The following CAST variants were observed in gnomAD, a reference collection of about 807,000 sequenced individuals.
The protein encoded by CAST is calpastatin, also known as MIR583 host.
CAST carries 76 observed loss-of-function variants against 119.6 expected under a neutral mutation model. The ratio of observed to expected loss-of-function variants is 0.64; its 90% CI spans 0.53 to 0.77. CAST has a LOEUF of 0.77. Among genes scored for constraint, CAST ranks in the 30% least tolerant of loss-of-function variants. CAST has a pLI of 0.00. For missense variants in CAST, 953 were observed against 946.5 expected (o/e 1.01, Z -0.09); for synonymous variants, 319 against 331.6 (o/e 0.96, Z 0.41).
At chr5:96,243,178 GT>G in the CAST span, among the ~76,000 whole-genome samples, 6,048 of 130,676 alleles carry the variant, frequency 0.046, 289 homozygotes, top group East Asian at 0.16. Context: ...AGCAGCAACT[GT>G]TTTTTTTTTT....
chr5:96,008,039 A>G, the CAST span, among the ~76,000 whole-genome samples: 1 of 152,050 alleles, frequency 6.6e-6, no homozygotes, highest in African/African-American at 2.4e-5. Flanking sequence ...CAAGCCAGAA[A>G]GAGGGCCTTC....
chr5:96,508,556 A>C, the CAST span, among the ~76,000 whole-genome samples: 1 of 152,032 alleles, frequency 6.6e-6, no homozygotes, highest in Non-Finnish European at 1.5e-5. Flanking sequence ...ATTTTGTTCA[A>C]CTCTCTTCTT....
chr5:96,076,702 T>C, the CAST span, among the ~76,000 whole-genome samples: 28 of 152,196 alleles, frequency 1.8e-4, no homozygotes, highest in Non-Finnish European at 3.5e-4. Context: ...AATGAATTTT[T>C]GGAAACAAAC....
At chr5:96,558,971 A>G (rs1746300047) in intron 1 of CAST, among the ~76,000 whole-genome samples, 1 of 152,098 alleles carries the variant, frequency 6.6e-6, no homozygotes, top group Non-Finnish European at 1.5e-5. Flanking sequence ...AACTACTGGC[A>G]AACCGAATCC....
At chr5:96,251,106 T>C in the CAST span, among the ~76,000 whole-genome samples, 20 of 152,188 alleles carry the variant, frequency 1.3e-4, no homozygotes, top group African/African-American at 4.6e-4. Context: ...AATCTTAATA[T>C]TTACCAAGGG....
the CAST span, among the ~76,000 whole-genome samples, chr5:96,389,734 G>C: frequency 9.7e-3 from 1,473 of 152,190 alleles, 30 homozygotes; most frequent in African/African-American, 0.034. Context: ...CCAAAAGTTT[G>C]AGACCAGCCT....
At chr5:96,178,883 G>A in the CAST span, among the ~76,000 whole-genome samples, 1 of 152,114 alleles carries the variant, frequency 6.6e-6, no homozygotes, top group African/African-American at 2.4e-5. Context: ...CATTCAACAG[G>A]TTCAAACTCA....
chr5:96,061,532 T>C, the CAST span, among the ~76,000 whole-genome samples: 1 of 152,046 alleles, frequency 6.6e-6, no homozygotes, highest in Admixed American at 6.6e-5. Context: ...ACAGATGAAT[T>C]GATCTGGGTA....
At chr5:96,434,952 G>A in the CAST span, among the ~76,000 whole-genome samples, 1 of 152,226 alleles carries the variant, frequency 6.6e-6, no homozygotes, top group Non-Finnish European at 1.5e-5. Flanking sequence ...GAGATGAAAT[G>A]GAATGGGCTC....
chr5:96,478,442 C>T, the CAST span, among the ~76,000 whole-genome samples: 1 of 152,162 alleles, frequency 6.6e-6, no homozygotes, highest in African/African-American at 2.4e-5. Context: ...GAAAAATACC[C>T]AATTATTTGT....
chr5:96,693,322 T>C (rs77452450), intron 2 of CAST, among the ~76,000 whole-genome samples: 3 of 152,242 alleles, frequency 2.0e-5, no homozygotes, highest in African/African-American at 7.2e-5. Context: ...AAATTAAGTT[T>C]AAACAGTCAT....
At chr5:96,425,272 T>C in the CAST span, among the ~76,000 whole-genome samples, 1 of 152,216 alleles carries the variant, frequency 6.6e-6, no homozygotes. Flanking sequence ...ACAGCAACAC[T>C]TAACAATTTC....
At chr5:96,548,700 C>T (rs1238134307) in intron 1 of CAST, among the ~76,000 whole-genome samples, 1 of 152,200 alleles carries the variant, frequency 6.6e-6, no homozygotes, top group Non-Finnish European at 1.5e-5. Context: ...TGCTGGTACT[C>T]TTCTCTCTAG....
chr5:96,340,884 A>T, the CAST span, among the ~76,000 whole-genome samples: 1 of 152,342 alleles, frequency 6.6e-6, no homozygotes, highest in East Asian at 1.9e-4. Flanking sequence ...TACTGAACTT[A>T]TGATGCTCGT....
the CAST span, among the ~76,000 whole-genome samples, chr5:96,407,978 G>A: frequency 1.3e-5 from 2 of 152,080 alleles, no homozygotes; most frequent in African/African-American, 2.4e-5. Context: ...TTGTAGAATG[G>A]GTTTTAAAAA....
chr5:96,725,986 A>G (rs920140127), intron 4 of CAST, among the ~76,000 whole-genome samples: 40 of 152,326 alleles, frequency 2.6e-4, no homozygotes, highest in African/African-American at 9.6e-4. Context: ...TGAAGAAAGT[A>G]TGTGTCTTCA....
At chr5:96,045,682 T>C in the CAST span, among the ~76,000 whole-genome samples, 5 of 152,172 alleles carry the variant, frequency 3.3e-5, no homozygotes, top group African/African-American at 9.7e-5. Context: ...GCAGATACTA[T>C]TATCATCCCT....
At chr5:96,606,956 A>G (rs1424491177) in intron 1 of CAST, among the ~76,000 whole-genome samples, 1 of 152,230 alleles carries the variant, frequency 6.6e-6, no homozygotes, top group Non-Finnish European at 1.5e-5. Flanking sequence ...CTGTGTTTTT[A>G]AAAGCCCCCA....
At chr5:96,427,400 A>C in the CAST span, among the ~76,000 whole-genome samples, 4 of 152,208 alleles carry the variant, frequency 2.6e-5, 1 homozygote, top group South Asian at 8.3e-4. Flanking sequence ...GGTATCATGT[A>C]CTTAATTATA....
Sources: allele counts gnomAD v4.1 joint callset (sites outside exome capture counted in the v4.1 genomes callset), GRCh38; gene constraint gnomAD v4.1.1; transcripts MANE v1.5; gene names NCBI Gene and HGNC (gene_info 2026-07-23, HGNC 2026-07-21).